The following GPM6A variants were observed in gnomAD, a reference collection of about 807,000 sequenced individuals.
The protein encoded by GPM6A is glycoprotein M6A.
In GPM6A, 7 loss-of-function variants were observed where a neutral mutation model predicts 32.1. The ratio of observed to expected loss-of-function variants is 0.22; its 90% confidence interval spans 0.12 to 0.41. GPM6A has a LOEUF of 0.41. Among genes scored for constraint, GPM6A ranks in the 10% least tolerant of loss-of-function variants. The pLI is 1.00. For missense variants in GPM6A, 235 were observed against 347.2 expected (o/e 0.68, Z 2.57); for synonymous variants, 130 against 123.4 (o/e 1.05, Z -0.35).
intron 6 of GPM6A, among the ~76,000 whole-genome samples, chr4:175,636,535 C>G (rs1393678193): frequency 6.6e-6 from 1 of 150,550 alleles, no homozygotes; most frequent in Non-Finnish European, 1.5e-5. Flanking sequence ...GTGGCTCACG[C>G]CTGTAATCCC....
At chr4:175,709,759 T>C (rs1745429403) in intron 1 of GPM6A, among the ~76,000 whole-genome samples, 1 of 151,774 alleles carries the variant, frequency 6.6e-6, no homozygotes. Flanking sequence ...TTCAATGACT[T>C]AAAACATCAC....
intron 4 of GPM6A, among the ~76,000 whole-genome samples, chr4:175,646,211 T>A (rs1009832441): frequency 6.6e-6 from 1 of 152,192 alleles, no homozygotes; most frequent in Non-Finnish European, 1.5e-5. Context: ...AAACAGAGGC[T>A]TAGCCTACAC....
intron 1 of GPM6A, among the ~76,000 whole-genome samples, chr4:175,958,018 G>A (rs576914260): frequency 5.3e-5 from 8 of 152,036 alleles, no homozygotes; most frequent in South Asian, 2.1e-4. Flanking sequence ...TCAGCCTCCC[G>A]AGTAGCTGGG....
chr4:175,648,804 C>T (rs1741619732), intron 4 of GPM6A, among the ~76,000 whole-genome samples: 1 of 152,144 alleles, frequency 6.6e-6, no homozygotes, highest in Non-Finnish European at 1.5e-5. Context: ...TCTCTTCTGA[C>T]TCTCTCTTCC....
At chr4:175,883,394 T>A (rs1579594993) in intron 1 of GPM6A, among the ~76,000 whole-genome samples, 1 of 152,266 alleles carries the variant, frequency 6.6e-6, no homozygotes, top group East Asian at 1.9e-4. Context: ...CCAAATATTA[T>A]CTTGCAATAT....
At chr4:175,843,478 C>T (rs1007161278) in intron 1 of GPM6A, among the ~76,000 whole-genome samples, 2 of 152,140 alleles carry the variant, frequency 1.3e-5, no homozygotes, top group South Asian at 2.1e-4. Context: ...CCGAGTGACC[C>T]TCATGAACTT....
upstream of GPM6A, among the ~76,000 whole-genome samples, chr4:175,816,461 A>G (rs564874939): frequency 5.9e-5 from 9 of 152,332 alleles, no homozygotes; most frequent in Admixed American, 2.0e-4. Context: ...ATATTCCTCT[A>G]TTATGTAATG....
chr4:175,934,503 CAT>C (rs1036840486), intron 1 of GPM6A, among the ~76,000 whole-genome samples: 70 of 152,250 alleles, frequency 4.6e-4, no homozygotes, highest in Admixed American at 3.9e-4. Flanking sequence ...GGAAAAATTA[CAT>C]AGACTATATT....
intron 2 of GPM6A, among the ~76,000 whole-genome samples, chr4:175,688,003 C>A (rs548145003): frequency 5.0e-4 from 76 of 152,296 alleles, no homozygotes; most frequent in African/African-American, 1.8e-3. Flanking sequence ...AATACCTATT[C>A]AAGTCCTCAT....
At chr4:175,855,063 A>G (rs1351299521) in intron 1 of GPM6A, among the ~76,000 whole-genome samples, 2 of 152,218 alleles carry the variant, frequency 1.3e-5, no homozygotes, top group African/African-American at 4.8e-5. Flanking sequence ...GGAATCTTTG[A>G]AAAGATTACA....
At chr4:175,865,013 G>T (rs1736687012) in intron 1 of GPM6A, among the ~76,000 whole-genome samples, 1 of 152,026 alleles carries the variant, frequency 6.6e-6, no homozygotes, top group Non-Finnish European at 1.5e-5. Flanking sequence ...GTTTCACCAT[G>T]TTGGCCAGGA....
chr4:175,777,891 T>C (rs1021733343), intron 1 of GPM6A, among the ~76,000 whole-genome samples: 1 of 152,212 alleles, frequency 6.6e-6, no homozygotes, highest in African/African-American at 2.4e-5. Flanking sequence ...TTATTTTTCT[T>C]TGATAACATT....
intron 1 of GPM6A, among the ~76,000 whole-genome samples, chr4:175,994,206 C>T (rs1392550670): frequency 6.6e-6 from 1 of 152,128 alleles, no homozygotes; most frequent in Non-Finnish European, 1.5e-5. Context: ...CTCTGGAGAA[C>T]ATCACCCAAG....
At chr4:175,694,203 G>C (rs969165449) in intron 2 of GPM6A, among the ~76,000 whole-genome samples, 4 of 152,108 alleles carry the variant, frequency 2.6e-5, no homozygotes, top group Non-Finnish European at 5.9e-5. Context: ...GACTAATACA[G>C]AAAACTGGTA....
At chr4:175,772,770 A>AT (rs1389260457) in intron 1 of GPM6A, among the ~76,000 whole-genome samples, 3 of 151,958 alleles carry the variant, frequency 2.0e-5, no homozygotes, top group Non-Finnish European at 4.4e-5. Context: ...TTCTACCTAC[A>AT]TTTTTTACAC....
chr4:175,963,880 T>G (rs1298557461), intron 1 of GPM6A, among the ~76,000 whole-genome samples: 1 of 152,158 alleles, frequency 6.6e-6, no homozygotes, highest in Non-Finnish European at 1.5e-5. Context: ...AATAATCAGT[T>G]ACAAGGGACT....
rs79424776 is a variant in GPM6A, at chr4:175,866,216, C to A, written c.-22-53967G>T. ...ATGCCGACACATGCATAGCCTCCCC[C>A]ACTATCAACATTTCCCACCAGAATG... On this transcript the variant is annotated intron_variant, in intron 1 of 7. Coordinates refer to the GPM6A transcript ENST00000280187. Among the ~76,000 whole-genome samples the A allele has an allele frequency of 8.6e-3, 1,303 of 152,190 alleles. 103 individuals are homozygous for A. In the East Asian group the frequency reaches 0.21, roughly 24 times the overall value.
intron 1 of GPM6A, among the ~76,000 whole-genome samples, chr4:175,860,830 T>C (rs1403970872): frequency 2.6e-5 from 4 of 152,212 alleles, no homozygotes; most frequent in Non-Finnish European, 5.9e-5. Flanking sequence ...GGCTATTTTT[T>C]GGCCATGAGT....
At chr4:175,685,858 T>C (rs578074449) in intron 2 of GPM6A, among the ~76,000 whole-genome samples, 2 of 152,284 alleles carry the variant, frequency 1.3e-5, no homozygotes, top group Admixed American at 6.5e-5. Flanking sequence ...AAAAGCTTAT[T>C]GGCAAGCAGC....
Sources: allele counts gnomAD v4.1 joint callset (sites outside exome capture counted in the v4.1 genomes callset), GRCh38; gene constraint gnomAD v4.1.1; transcripts MANE v1.5; gene names NCBI Gene and HGNC (gene_info 2026-07-23, HGNC 2026-07-21).